Variants in PRKN observed in about 807,000 individuals in gnomAD.
The protein encoded by PRKN is E3 ubiquitin-protein ligase parkin.
PRKN carries 56 observed loss-of-function variants against 59.5 expected under a neutral mutation model. The observed-to-expected ratio is 0.94, with a 90% CI of 0.76 to 1.18. The LOEUF (loss-of-function observed/expected upper bound fraction) is 1.18, where lower values mean the gene tolerates loss of function less well. Ranked by LOEUF, PRKN falls within the 50% of genes most tolerant of loss-of-function variation. PRKN has a pLI of 0.00. For synonymous variants in PRKN, 250 were observed against 222.1 expected (o/e 1.13, Z -1.12); for missense variants, 657 against 596.4 (o/e 1.10, Z -1.06).
At chr6:162,506,453 A>C (rs1793613150) in intron 1 of PRKN, among the ~76,000 whole-genome samples, 1 of 152,166 alleles carries the variant, frequency 6.6e-6, no homozygotes, top group Non-Finnish European at 1.5e-5. Flanking sequence ...CAGCCCCCTG[A>C]AATGCTTATT....
chr6:161,531,791 G>C (rs879086511), intron 9 of PRKN, among the ~76,000 whole-genome samples: 3 of 152,146 alleles, frequency 2.0e-5, no homozygotes, highest in Admixed American at 2.0e-4. Context: ...TCAGACATGC[G>C]GGTGGATTAC....
chr6:162,596,788 G>A (rs193289372), intron 1 of PRKN, among the ~76,000 whole-genome samples: 250 of 152,246 alleles, frequency 1.6e-3, no homozygotes, highest in East Asian at 0.01. Flanking sequence ...GGACAGCAGA[G>A]AAAGCTTAGA....
intron 1 of PRKN, among the ~76,000 whole-genome samples, chr6:162,725,878 T>C (rs1450712421): frequency 1.3e-5 from 2 of 152,192 alleles, no homozygotes; most frequent in East Asian, 3.8e-4. Context: ...GCACATTTCC[T>C]AGGGAAAGCA....
chr6:161,555,853 A>G (rs1780218591), intron 8 of PRKN, among the ~76,000 whole-genome samples: 1 of 152,250 alleles, frequency 6.6e-6, no homozygotes, highest in Non-Finnish European at 1.5e-5. Context: ...GTGACAATTA[A>G]TTAAATAATT....
chr6:161,917,142 G>A (rs1308990878), intron 6 of PRKN, among the ~76,000 whole-genome samples: 1 of 151,894 alleles, frequency 6.6e-6, no homozygotes, highest in Non-Finnish European at 1.5e-5. Flanking sequence ...GTCTCACTCT[G>A]CTGCTCAGGC....
At chr6:162,102,772 G>A (rs776205784) in intron 4 of PRKN, among the ~76,000 whole-genome samples, 22 of 143,990 alleles carry the variant, frequency 1.5e-4, no homozygotes, top group Admixed American at 2.7e-4. Flanking sequence ...GCCCGGGCGC[G>A]GTGGCTCACG....
At chr6:161,416,101 G>A (rs1462094939) in intron 9 of PRKN, among the ~76,000 whole-genome samples, 1 of 152,032 alleles carries the variant, frequency 6.6e-6, no homozygotes. Flanking sequence ...TTGCTTCCAC[G>A]GCGCCTATGG....
chr6:162,039,248 G>T (rs1412750490), intron 5 of PRKN, among the ~76,000 whole-genome samples: 1 of 152,080 alleles, frequency 6.6e-6, no homozygotes, highest in Non-Finnish European at 1.5e-5. Flanking sequence ...AGCCCTGCCT[G>T]AATGAACTCT....
At chr6:162,304,194 C>CAT (rs1782105164) in intron 2 of PRKN, among the ~76,000 whole-genome samples, 1 of 150,582 alleles carries the variant, frequency 6.6e-6, no homozygotes, top group South Asian at 2.1e-4. Flanking sequence ...TGAAGGTCGT[C>CAT]TCTTATGTTG....
At chr6:161,860,189 T>C (rs551291071) in intron 6 of PRKN, among the ~76,000 whole-genome samples, 1 of 152,336 alleles carries the variant, frequency 6.6e-6, no homozygotes, top group South Asian at 2.1e-4. Flanking sequence ...AAGACAGATA[T>C]TGTGATGAAA....
intron 9 of PRKN, among the ~76,000 whole-genome samples, chr6:161,542,280 T>C (rs1779643146): frequency 6.6e-6 from 1 of 152,318 alleles, no homozygotes; most frequent in East Asian, 1.9e-4. Flanking sequence ...CAGTGGATCA[T>C]TGTAGTTAAG....
rs558495684 is a variant in PRKN, at chr6:162,554,744, G to A, written c.8-111271C>T. Among the ~76,000 whole-genome samples, 4 of 152,240 alleles carry A rather than the reference G, an allele frequency of 2.6e-5. No individual in the cohort carries two copies. The South Asian group carries it at 6.2e-4, about 24-fold the overall frequency. The stretch of plus-strand genomic sequence containing the variant: ...GGAGGAAGCATCTCATGGCCTTGCC[G>A]GAGCCAGGCGTACATTGGGACGGCC... On this transcript the variant is annotated intron_variant, in intron 1 of 11. Coordinates refer to ENST00000366898, the MANE Select transcript of PRKN (RefSeq NM_004562.3).
chr6:162,515,898 G>A (rs983435297), intron 1 of PRKN, among the ~76,000 whole-genome samples: 3 of 152,074 alleles, frequency 2.0e-5, no homozygotes, highest in Admixed American at 6.6e-5. Context: ...GGCTAGGGCC[G>A]CATGTGACTG....
intron 9 of PRKN, among the ~76,000 whole-genome samples, chr6:161,439,034 C>A (rs928300058): frequency 6.6e-6 from 1 of 152,152 alleles, no homozygotes; most frequent in African/African-American, 2.4e-5. Context: ...AATTTTAAGT[C>A]GCATTTCTTT....
At chr6:161,425,491 T>C (rs141533385) in intron 9 of PRKN, among the ~76,000 whole-genome samples, 51 of 152,230 alleles carry the variant, frequency 3.4e-4, no homozygotes, top group African/African-American at 1.1e-3. Flanking sequence ...CAGGGAGAGA[T>C]GGTGTAGGTC....
chr6:161,901,607 C>A (rs574363710), intron 6 of PRKN, among the ~76,000 whole-genome samples: 1 of 152,288 alleles, frequency 6.6e-6, no homozygotes, highest in African/African-American at 2.4e-5. Context: ...CATACAGAAA[C>A]AACGGCATTC....
intron 1 of PRKN, among the ~76,000 whole-genome samples, chr6:162,706,434 C>T (rs1778342510): frequency 6.6e-6 from 1 of 152,176 alleles, no homozygotes; most frequent in Non-Finnish European, 1.5e-5. Flanking sequence ...AACTTTTTAG[C>T]TTCATCTGCT....
chr6:162,045,088 T>C (rs1784201877), intron 5 of PRKN, among the ~76,000 whole-genome samples: 1 of 152,198 alleles, frequency 6.6e-6, no homozygotes, highest in South Asian at 2.1e-4. Context: ...AAGAGATGCT[T>C]GGTAAGCTTT....
chr6:162,183,790 G>A (rs1583165546), intron 4 of PRKN, among the ~76,000 whole-genome samples: 1 of 152,062 alleles, frequency 6.6e-6, no homozygotes, highest in South Asian at 2.1e-4. Flanking sequence ...GCCGCCCCTC[G>A]ATCCCTACCA....
Sources: gnomAD v4.1 joint callset for allele counts (sites outside exome capture counted in the v4.1 genomes callset) on GRCh38, gnomAD v4.1.1 for gene constraint, MANE v1.5 for transcripts, NCBI Gene and HGNC (gene_info 2026-07-23, HGNC 2026-07-21) for gene names.